PTPN3: variants seen among roughly 807,000 people sequenced by gnomAD.
PTPN3 encodes the protein tyrosine-protein phosphatase non-receptor type 3.
PTPN3 carries 96 observed loss-of-function variants against 132.7 expected under a neutral mutation model. The ratio of observed to expected loss-of-function variants is 0.72; its 90% CI spans 0.61 to 0.86. The LOEUF is 0.86. Ranked by LOEUF, PTPN3 falls within the 40% of genes least tolerant of loss-of-function variation. The pLI is 0.00. For missense variants in PTPN3, 1,125 were observed against 1,159.6 expected (o/e 0.97, Z 0.43); for synonymous variants, 398 against 429.0 (o/e 0.93, Z 0.89).
At chr9:109,503,810 G>C in the PTPN3 span, among the ~76,000 whole-genome samples, 3 of 152,106 alleles carry the variant, frequency 2.0e-5, no homozygotes, top group Admixed American at 2.0e-4. Context: ...AGTGATGAAG[G>C]GATTGTTGTC....
At chr9:109,494,350 G>A (rs1245072405) in intron 1 of PTPN3, among the ~76,000 whole-genome samples, 1 of 152,154 alleles carries the variant, frequency 6.6e-6, no homozygotes, top group East Asian at 1.9e-4. Context: ...CATGCCTGTA[G>A]TCCCAGGTGC....
the PTPN3 span, among the ~76,000 whole-genome samples, chr9:109,521,407 G>A: frequency 1.1e-3 from 173 of 152,196 alleles, 1 homozygote; most frequent in African/African-American, 4.0e-3. Context: ...TGATCCGCCC[G>A]CCTCAGCCTC....
At chr9:109,480,230 G>A (rs1459610669) in intron 1 of PTPN3, among the ~76,000 whole-genome samples, 1 of 152,216 alleles carries the variant, frequency 6.6e-6, no homozygotes, top group African/African-American at 2.4e-5. Context: ...CTGGAGGGCA[G>A]TAGCACCATC....
rs751217227 is a variant in PTPN3 at position 109,445,251 on chromosome 9, T to C, written c.455A>G (p.Tyr152Cys). ...PLNSAVVLAS[Y>C]AVQSHFGDYN... ...CCTTTGTGACTTACATTGTACGGCA[T>C]AGGACGCTAGAACCACTGCTGAGTT... Residue 152 changes from tyrosine (Y) to cysteine (C), a missense_variant, in exon 7 of 26, where the codon TAT becomes TGT. Transcript: ENST00000374541. 7.4e-6 allele frequency: 12 copies of C among 1,613,624 alleles called. No individual in the cohort carries two copies. The highest frequency in any genetic ancestry group is 7.6e-6 in the Non-Finnish European group (9 of 1,179,514).
intron 7 of PTPN3, among the ~76,000 whole-genome samples, chr9:109,442,821 A>G (rs369959680): frequency 4.6e-4 from 70 of 152,316 alleles, no homozygotes; most frequent in African/African-American, 1.4e-3. Context: ...GGTCTGGAGA[A>G]GCTCAAAGTC....
the PTPN3 span, among the ~76,000 whole-genome samples, chr9:109,528,516 A>C: frequency 6.6e-6 from 1 of 152,238 alleles, no homozygotes; most frequent in African/African-American, 2.4e-5. Flanking sequence ...AGGTTCAAAA[A>C]CAGGCAAAAC....
intron 1 of PTPN3, among the ~76,000 whole-genome samples, chr9:109,469,836 C>G (rs2132068042): frequency 6.6e-6 from 1 of 152,288 alleles, no homozygotes; most frequent in East Asian, 1.9e-4. Context: ...CCCAATGCCA[C>G]CACCTAGTGG....
the PTPN3 span, among the ~76,000 whole-genome samples, chr9:109,522,450 G>A: frequency 6.6e-6 from 1 of 152,208 alleles, no homozygotes; most frequent in East Asian, 1.9e-4. Context: ...TGGAAGCACG[G>A]CAAAAGCTGA....
At chr9:109,470,826 TTTC>T (rs1422440865) in intron 1 of PTPN3, among the ~76,000 whole-genome samples, 1 of 152,230 alleles carries the variant, frequency 6.6e-6, no homozygotes, top group Admixed American at 6.5e-5. Flanking sequence ...GAAATGAGAC[TTTC>T]TTTTTAACCA....
chr9:109,477,183 C>T (rs890882482), intron 1 of PTPN3, among the ~76,000 whole-genome samples: 9 of 152,148 alleles, frequency 5.9e-5, no homozygotes, highest in Non-Finnish European at 1.0e-4. Context: ...AGGTGGTAAA[C>T]GGAGCCCCAC....
chr9:109,453,991 G>A (rs756867127), intron 5 of PTPN3, among the ~76,000 whole-genome samples: 22 of 151,994 alleles, frequency 1.4e-4, no homozygotes, highest in Non-Finnish European at 3.1e-4. Flanking sequence ...CTCCAGCCAG[G>A]GTGAAGAGAG....
At chr9:109,384,881 A>G (rs1336261439) in intron 22 of PTPN3, among the ~76,000 whole-genome samples, 1 of 152,246 alleles carries the variant, frequency 6.6e-6, no homozygotes, top group Non-Finnish European at 1.5e-5. Flanking sequence ...TGGAAACCTT[A>G]AACATGGGTA....
the PTPN3 span, among the ~76,000 whole-genome samples, chr9:109,528,508 G>T: frequency 6.6e-6 from 1 of 152,174 alleles, no homozygotes; most frequent in Admixed American, 6.5e-5. Context: ...CTTATATGAG[G>T]TTCAAAAACA....
the PTPN3 span, among the ~76,000 whole-genome samples, chr9:109,520,514 G>A: frequency 3.3e-5 from 5 of 152,234 alleles, no homozygotes; most frequent in South Asian, 1.0e-3. Context: ...GGCGCCTAGC[G>A]GAACATGCTT....
the PTPN3 span, among the ~76,000 whole-genome samples, chr9:109,535,956 G>C: frequency 6.6e-6 from 1 of 152,134 alleles, no homozygotes; most frequent in Non-Finnish European, 1.5e-5. Flanking sequence ...CGTCACTACT[G>C]TCTAGTTGCA....
chr9:109,469,005 T>G (rs1019813990), intron 1 of PTPN3, among the ~76,000 whole-genome samples: 1 of 152,234 alleles, frequency 6.6e-6, no homozygotes, highest in Admixed American at 6.5e-5. Flanking sequence ...GTGATAGATA[T>G]GTGATACATC....
At chr9:109,485,234 G>A (rs1227984504) in intron 1 of PTPN3, among the ~76,000 whole-genome samples, 2 of 152,116 alleles carry the variant, frequency 1.3e-5, no homozygotes, top group African/African-American at 4.8e-5. Context: ...TCGGCCGGGC[G>A]CGGTGGCTCA....
chr9:109,398,703 G>A (rs943480036), intron 19 of PTPN3, among the ~76,000 whole-genome samples: 1 of 152,176 alleles, frequency 6.6e-6, no homozygotes, highest in African/African-American at 2.4e-5. Flanking sequence ...GAGTCACCTG[G>A]TCACTGGATG....
the PTPN3 span, among the ~76,000 whole-genome samples, chr9:109,504,168 G>A: frequency 6.6e-6 from 1 of 152,190 alleles, no homozygotes; most frequent in Non-Finnish European, 1.5e-5. Context: ...TCTGGTCAGA[G>A]AGAATAGGAT....
Sources: allele counts gnomAD v4.1 joint callset (sites outside exome capture counted in the v4.1 genomes callset), GRCh38; gene constraint gnomAD v4.1.1; transcripts MANE v1.5; gene names NCBI Gene and HGNC (gene_info 2026-07-23, HGNC 2026-07-21).